The following TRIP11 variants were observed in gnomAD, a reference collection of about 807,000 sequenced individuals.
TRIP11 encodes the protein thyroid hormone receptor interactor 11.
A neutral mutation model predicts 223.1 loss-of-function variants in TRIP11; 148 were observed. The observed-to-expected ratio is 0.66, with a 90% confidence interval of 0.58 to 0.76. The LOEUF (loss-of-function observed/expected upper bound fraction) is 0.76. TRIP11 is among the 30% of genes least tolerant of loss of function. The probability of loss-of-function intolerance (pLI) is 0.00; values close to 1 mark genes in which losing one functional copy is unlikely to be tolerated. For missense variants in TRIP11, 2,043 were observed against 2,222.0 expected, an observed-to-expected ratio of 0.92 and a Z score of 1.62; for synonymous variants, 762 against 772.6, an observed-to-expected ratio of 0.99 and a Z score of 0.23.
At chr14:91,984,196 C>T (rs1393825526) in intron 16 of TRIP11, among the ~76,000 whole-genome samples, 1 of 152,100 alleles carries the variant, frequency 6.6e-6, no homozygotes, top group East Asian at 1.9e-4. Context: ...ATTTGTATTG[C>T]TTATGAAAAC....
chr14:92,021,005 G>A (rs1248497218), intron 4 of TRIP11, among the ~76,000 whole-genome samples: 1 of 150,984 alleles, frequency 6.6e-6, no homozygotes, highest in Non-Finnish European at 1.5e-5. Context: ...GGGAGGCGGA[G>A]GTTGCAGTGA....
intron 2 of TRIP11, 101 bp from the exon 3 acceptor site, chr14:92,025,521 A>C (rs971154359): frequency 2.2e-5 from 17 of 783,200 alleles, no homozygotes; most frequent in Admixed American, 1.2e-4. Flanking sequence ...CCCCCCCAAA[A>C]ATGTCAAATA....
intron 12 of TRIP11, among the ~76,000 whole-genome samples, chr14:91,999,707 C>T (rs1313452255): frequency 6.6e-6 from 1 of 151,990 alleles, no homozygotes; most frequent in African/African-American, 2.4e-5. Flanking sequence ...TGTGACAGGC[C>T]ACTTTTTCAG....
chr14:92,033,572 T>G (rs2057292211), intron 1 of TRIP11, among the ~76,000 whole-genome samples: 1 of 152,224 alleles, frequency 6.6e-6, no homozygotes, highest in African/African-American at 2.4e-5. Context: ...GGGCTAATGC[T>G]GCTATAATTT....
intron 17 of TRIP11, 73 bp downstream of exon 17, chr14:91,976,035 C>T (rs1399024379): frequency 2.8e-6 from 4 of 1,416,210 alleles, no homozygotes; most frequent in Non-Finnish European, 3.9e-6. Flanking sequence ...TAAACATCTA[C>T]ATTTAGAAGT....
chr14:92,025,878 C>CACA (rs2057179051), intron 2 of TRIP11, among the ~76,000 whole-genome samples: 1 of 74,058 alleles, frequency 1.4e-5, no homozygotes, highest in Non-Finnish European at 2.8e-5. Context: ...GACTCCGTCT[C>CACA]AAAAAAAAAA....
chr14:92,016,154 C>T (rs1016752644), intron 5 of TRIP11, among the ~76,000 whole-genome samples: 4 of 152,170 alleles, frequency 2.6e-5, no homozygotes, highest in Non-Finnish European at 5.9e-5. Flanking sequence ...TGACCATGAA[C>T]TTCTCCTTTT....
At chr14:92,030,046 T>C (rs7146926) in intron 2 of TRIP11, among the ~76,000 whole-genome samples, 1 of 150,864 alleles carries the variant, frequency 6.6e-6, no homozygotes, top group African/African-American at 2.4e-5. Flanking sequence ...AAATACAAAA[T>C]ATTAGCCGGG....
At chr14:91,999,559 AATGT>A (rs760003478) in intron 12 of TRIP11, 126 bp from the exon 13 acceptor site, 303 of 1,037,392 alleles carry the variant, frequency 2.9e-4, no homozygotes, top group Non-Finnish European at 4.1e-4. Flanking sequence ...CATACTGCAA[AATGT>A]ATTTATGCTA....
intron 13 of TRIP11, among the ~76,000 whole-genome samples, chr14:91,995,996 G>A (rs558793446): frequency 1.3e-5 from 2 of 152,084 alleles, no homozygotes; most frequent in South Asian, 4.2e-4. Flanking sequence ...TTTTTATTAT[G>A]GTAAAATATA....
chr14:91,975,258 G>T lies in TRIP11; in HGVS notation c.5371C>A (p.His1791Asn). Residue 1791 changes from histidine to asparagine, a missense_variant, in exon 18 of 21, where the codon CAT becomes AAT. His to Asn is a moderately conservative substitution (Grantham distance 68). Transcript: ENST00000267622. ...KVLMRNLFIG[H>N]FHTPKNQRHE... ...CGCTGATTTTTCGGTGTGTGGAAAT[G>T]ACCAATGAAGAGGTTTCTCATTAGG... The T allele has an allele frequency of 3.1e-6, 5 of 1,613,440 alleles. No individual in the cohort carries two copies. The South Asian group carries it at 5.5e-5, about 18-fold the overall frequency.
chr14:92,005,588 C>A lies in TRIP11; in HGVS notation c.2388G>T (p.Leu796Phe), dbSNP rs760300746. Reference protein sequence around the residue: ...DTDHKETKDVLSSSLEEQKQL... With the variant: ...DTDHKETKDVFSSSLEEQKQL... ...GCTTCTGCTCTTCTAAACTAGATGACAAAACGTCCTTAGTTTCTTTATGGT... is the reference window on the plus strand; with the variant it reads ...GCTTCTGCTCTTCTAAACTAGATGAAAAAACGTCCTTAGTTTCTTTATGGT... Residue 796 changes from leucine (L) to phenylalanine (F), a missense_variant, in exon 11 of 21, where the codon TTG becomes TTT. Leu to Phe is a conservative substitution (Grantham distance 22, BLOSUM62 0). Transcript: ENST00000267622. The A allele has an allele frequency of 6.2e-7, 1 of 1,613,462 alleles. No homozygotes were observed. The highest frequency in any genetic ancestry group is 8.5e-7 in the Non-Finnish European group (1 of 1,179,918).
At chr14:91,996,095 C>A (rs1456781684) in intron 13 of TRIP11, among the ~76,000 whole-genome samples, 1 of 152,156 alleles carries the variant, frequency 6.6e-6, no homozygotes, top group African/African-American at 2.4e-5. Context: ...CACCACCATC[C>A]ATCTCCAGAA....
chr14:91,973,392 G>T (rs1312746997), intron 19 of TRIP11, among the ~76,000 whole-genome samples: 1 of 152,088 alleles, frequency 6.6e-6, no homozygotes, highest in Non-Finnish European at 1.5e-5. Flanking sequence ...ATAGTCTGAT[G>T]GTAACACTCA....
At chr14:92,010,491 C>T (rs946793250) in intron 9 of TRIP11, among the ~76,000 whole-genome samples, 1 of 151,884 alleles carries the variant, frequency 6.6e-6, no homozygotes, top group African/African-American at 2.4e-5. Flanking sequence ...GATTGCGCCA[C>T]TGCACTACAG....
At chr14:91,972,691 T>C (rs371993672) in intron 20 of TRIP11, 26 bp downstream of exon 20, 12 of 1,588,782 alleles carry the variant, frequency 7.6e-6, no homozygotes, top group African/African-American at 2.7e-5. Flanking sequence ...TTTCAAATTA[T>C]AGAAAAATTA....
intron 17 of TRIP11, 90 bp downstream of exon 17, chr14:91,976,018 T>G (rs1566843715): frequency 8.0e-7 from 1 of 1,255,150 alleles, no homozygotes; most frequent in Non-Finnish European, 1.1e-6. Flanking sequence ...AAAAATTTAA[T>G]CACATATAAA....
intron 1 of TRIP11, among the ~76,000 whole-genome samples, chr14:92,035,739 G>A (rs566957471): frequency 5.9e-5 from 9 of 151,860 alleles, no homozygotes; most frequent in Middle Eastern, 3.4e-3. Flanking sequence ...CACCATGCCC[G>A]GCTAATTTTT....
intron 8 of TRIP11, 68 bp downstream of exon 8, chr14:92,011,686 AT>A: frequency 7.7e-6 from 10 of 1,305,864 alleles, no homozygotes; most frequent in Non-Finnish European, 1.1e-5. Context: ...ATTAAAACTC[AT>A]TTCTCACTTG....
Sources: gnomAD v4.1 joint callset for allele counts (sites outside exome capture counted in the v4.1 genomes callset) on GRCh38, gnomAD v4.1.1 for gene constraint, MANE v1.5 for transcripts, NCBI Gene and HGNC (gene_info 2026-07-23, HGNC 2026-07-21) for gene names.